The following EPHB1 variants were observed in gnomAD, a reference collection of about 807,000 sequenced individuals.
The protein encoded by EPHB1 is ephrin type-B receptor 1.
Under a neutral mutation model 94.4 loss-of-function variants are expected in EPHB1, and 30 were observed. The observed-to-expected ratio is 0.32, with a 90% confidence interval of 0.24 to 0.43. The LOEUF is 0.43. Among genes scored for constraint, EPHB1 ranks in the 20% least tolerant of loss-of-function variants. The probability of loss-of-function intolerance (pLI) is 1.00; values close to 1 mark genes in which losing one functional copy is unlikely to be tolerated. For missense variants in EPHB1, 1,055 were observed against 1,308.3 expected, an observed-to-expected ratio of 0.81 and a Z score of 2.99; for synonymous variants, 522 against 489.1, an observed-to-expected ratio of 1.07 and a Z score of -0.89.
intron 5 of EPHB1, among the ~76,000 whole-genome samples, chr3:135,145,461 T>C (rs1940981427): frequency 6.6e-6 from 1 of 152,204 alleles, no homozygotes; most frequent in Non-Finnish European, 1.5e-5. Context: ...TGGGTCTCTC[T>C]ATAAACTTTT....
intron 3 of EPHB1, among the ~76,000 whole-genome samples, chr3:134,996,980 T>C (rs1336440996): frequency 6.6e-6 from 1 of 152,176 alleles, no homozygotes; most frequent in Non-Finnish European, 1.5e-5. Flanking sequence ...TTCCCTTTGG[T>C]TCCTTCTTTG....
intron 3 of EPHB1, among the ~76,000 whole-genome samples, chr3:135,103,753 C>A (rs544617488): frequency 9.9e-5 from 15 of 152,198 alleles, no homozygotes; most frequent in Middle Eastern, 3.4e-3. Context: ...TGGAATCAGA[C>A]CCCCTCCTGG....
At chr3:134,964,486 C>T (rs1438508451) in intron 3 of EPHB1, among the ~76,000 whole-genome samples, 1 of 152,222 alleles carries the variant, frequency 6.6e-6, no homozygotes, top group Non-Finnish European at 1.5e-5. Context: ...AAATGACAAT[C>T]TGCTCTTTGC....
At chr3:134,988,110 C>T (rs575417449) in intron 3 of EPHB1, among the ~76,000 whole-genome samples, 1 of 152,264 alleles carries the variant, frequency 6.6e-6, no homozygotes, top group South Asian at 2.1e-4. Context: ...CAGTTGGCAT[C>T]CATTAAGAAG....
intron 1 of EPHB1, among the ~76,000 whole-genome samples, chr3:134,909,116 G>A (rs1052238510): frequency 1.7e-5 from 2 of 117,110 alleles, no homozygotes; most frequent in Non-Finnish European, 3.4e-5. Flanking sequence ...AGGTGGGGGC[G>A]GGGGGCGGGC....
At chr3:135,177,379 G>A (rs13073350) in intron 9 of EPHB1, among the ~76,000 whole-genome samples, 29 of 152,284 alleles carry the variant, frequency 1.9e-4, no homozygotes, top group Non-Finnish European at 3.8e-4. Flanking sequence ...ACATCAGCTG[G>A]CTTCCACCTG....
chr3:134,942,313 CA>C (rs141758469), intron 2 of EPHB1, among the ~76,000 whole-genome samples: 4,226 of 152,216 alleles, frequency 0.028, 186 homozygotes, highest in African/African-American at 0.097. Context: ...CTCATACGAG[CA>C]GGGGAATTAA....
chr3:135,165,368 C>T (rs1373689652), intron 7 of EPHB1, among the ~76,000 whole-genome samples: 1 of 152,172 alleles, frequency 6.6e-6, no homozygotes, highest in Non-Finnish European at 1.5e-5. Context: ...GACCCGTAGG[C>T]TTCCCATTCC....
chr3:135,091,275 G>T lies in EPHB1; in HGVS notation c.806-15173G>T, dbSNP rs78391318. Among the ~76,000 whole-genome samples, 1,222 of 152,298 alleles carry T rather than the reference G, an allele frequency of 8.0e-3. 50 individuals carry two copies. In the East Asian group the frequency reaches 0.11, roughly 13 times the overall value. The stretch of plus-strand genomic sequence containing the variant: ...GCAGCAGGCTCATGCTTATGATGGG[G>T]CCATCTGGGCAGGTGGAGCAGACAT... On this transcript the variant is annotated intron_variant, in intron 3 of 15. Coordinates refer to ENST00000398015, the MANE Select transcript of EPHB1 (RefSeq NM_004441.5).
chr3:134,980,075 G>A (rs1934347803), intron 3 of EPHB1, among the ~76,000 whole-genome samples: 1 of 152,204 alleles, frequency 6.6e-6, no homozygotes, highest in Non-Finnish European at 1.5e-5. Flanking sequence ...ACAGGAATGA[G>A]TTATTTCTGC....
At chr3:135,237,228 G>A (rs1033462179) in intron 12 of EPHB1, among the ~76,000 whole-genome samples, 1 of 150,044 alleles carries the variant, frequency 6.7e-6, no homozygotes, top group Non-Finnish European at 1.5e-5. Context: ...AGGATGACAG[G>A]GTTAGGATTA....
intron 15 of EPHB1, among the ~76,000 whole-genome samples, chr3:135,249,778 A>G (rs1932991405): frequency 6.6e-6 from 1 of 152,182 alleles, no homozygotes; most frequent in African/African-American, 2.4e-5. Flanking sequence ...TTTAAACTCA[A>G]CTCATCAAAG....
At chr3:134,882,158 G>A (rs779818172) in intron 1 of EPHB1, among the ~76,000 whole-genome samples, 17 of 152,126 alleles carry the variant, frequency 1.1e-4, no homozygotes, top group Non-Finnish European at 1.2e-4. Flanking sequence ...AAATACTGGC[G>A]CAATTAATCA....
chr3:135,078,498 C>G (rs540843768), intron 3 of EPHB1, among the ~76,000 whole-genome samples: 1 of 152,310 alleles, frequency 6.6e-6, no homozygotes, highest in South Asian at 2.1e-4. Context: ...CACCCTCTTG[C>G]GCCCTCTGCC....
intron 3 of EPHB1, among the ~76,000 whole-genome samples, chr3:134,958,635 A>G (rs922395756): frequency 6.6e-6 from 1 of 152,200 alleles, no homozygotes; most frequent in African/African-American, 2.4e-5. Context: ...GCCCTGTAAC[A>G]TGAGCTTCAT....
At chr3:134,866,450 C>A (rs972404854) in intron 1 of EPHB1, among the ~76,000 whole-genome samples, 9 of 152,134 alleles carry the variant, frequency 5.9e-5, no homozygotes, top group Non-Finnish European at 1.3e-4. Flanking sequence ...TCTGTCATGC[C>A]CAGTACCTGC....
intron 3 of EPHB1, among the ~76,000 whole-genome samples, chr3:135,000,880 C>T (rs1327387855): frequency 2.0e-5 from 3 of 152,138 alleles, no homozygotes; most frequent in African/African-American, 7.2e-5. Flanking sequence ...AATCTCAAAC[C>T]CTGCCAGGAG....
At chr3:135,239,631 G>A (rs1943734054) in intron 12 of EPHB1, among the ~76,000 whole-genome samples, 1 of 152,174 alleles carries the variant, frequency 6.6e-6, no homozygotes, top group Non-Finnish European at 1.5e-5. Context: ...AGCTTTTGAG[G>A]ACAGCCTTGG....
At chr3:135,098,168 G>C (rs1938878073) in intron 3 of EPHB1, among the ~76,000 whole-genome samples, 1 of 152,176 alleles carries the variant, frequency 6.6e-6, no homozygotes, top group Admixed American at 6.5e-5. Flanking sequence ...ATTGGAGGTT[G>C]TCATTCATAT....
Sources: gnomAD v4.1 joint callset for allele counts (sites outside exome capture counted in the v4.1 genomes callset) on GRCh38, gnomAD v4.1.1 for gene constraint, MANE v1.5 for transcripts, NCBI Gene and HGNC (gene_info 2026-07-23, HGNC 2026-07-21) for gene names.